The following CDH18 variants were observed in gnomAD, a reference collection of about 807,000 sequenced individuals.
The protein encoded by CDH18 is cadherin 18.
A neutral mutation model predicts 67.9 loss-of-function variants in CDH18; 31 were observed. The ratio of observed to expected loss-of-function variants is 0.46; its 90% CI spans 0.34 to 0.62. The LOEUF is 0.62. CDH18 is among the 20% of genes least tolerant of loss of function. The pLI, the probability that CDH18 is intolerant of heterozygous loss-of-function variation, is 0.01. For synonymous variants in CDH18, 362 were observed against 347.2 expected (o/e 1.04, Z -0.48); for missense variants, 890 against 975.5 (o/e 0.91, Z 1.17).
chr5:19,769,505 G>T (rs1773490620), intron 3 of CDH18, among the ~76,000 whole-genome samples: 1 of 152,056 alleles, frequency 6.6e-6, no homozygotes, highest in South Asian at 2.1e-4. Flanking sequence ...CAACTACTGA[G>T]AAATTTTTTG....
At chr5:19,846,684 G>A (rs370197852) in intron 2 of CDH18, among the ~76,000 whole-genome samples, 5 of 152,210 alleles carry the variant, frequency 3.3e-5, no homozygotes, top group East Asian at 3.9e-4. Context: ...GGTATAAACA[G>A]GGGTCCTGAA....
chr5:19,916,941 T>C (rs1159706790), intron 2 of CDH18, among the ~76,000 whole-genome samples: 2 of 152,208 alleles, frequency 1.3e-5, no homozygotes, highest in Non-Finnish European at 2.9e-5. Context: ...TCACTGATTT[T>C]ATAAGCATTT....
intron 5 of CDH18, among the ~76,000 whole-genome samples, chr5:19,674,709 T>C (rs1759227954): frequency 6.6e-6 from 1 of 152,170 alleles, no homozygotes; most frequent in African/African-American, 2.4e-5. Context: ...AACTTTATTG[T>C]TGATTTGAAA....
chr5:20,532,168 A>G (rs1201598370), intron 1 of CDH18, among the ~76,000 whole-genome samples: 2 of 152,132 alleles, frequency 1.3e-5, no homozygotes, highest in African/African-American at 2.4e-5. Context: ...TAAAGAAGAC[A>G]ACTAAACACT....
chr5:19,527,139 T>C (rs927303667), intron 9 of CDH18, among the ~76,000 whole-genome samples: 2 of 151,868 alleles, frequency 1.3e-5, no homozygotes, highest in African/African-American at 4.8e-5. Flanking sequence ...TATGTTTCCA[T>C]TATTTTCTTT....
intron 1 of CDH18, among the ~76,000 whole-genome samples, chr5:20,440,050 A>C (rs1749496109): frequency 6.6e-6 from 1 of 151,832 alleles, no homozygotes; most frequent in African/African-American, 2.4e-5. Context: ...GTAAATTAAT[A>C]AATTTGTGAA....
intron 6 of CDH18, among the ~76,000 whole-genome samples, chr5:19,599,834 C>T (rs1746783102): frequency 6.6e-6 from 1 of 152,082 alleles, no homozygotes. Flanking sequence ...TTGCAGTGAG[C>T]CGAGATCGCA....
chr5:20,440,435 A>G (rs1749522112), intron 1 of CDH18, among the ~76,000 whole-genome samples: 1 of 151,888 alleles, frequency 6.6e-6, no homozygotes, highest in African/African-American at 2.4e-5. Flanking sequence ...ACAGGATTGG[A>G]TATACTTCAA....
intron 5 of CDH18, among the ~76,000 whole-genome samples, chr5:19,626,790 G>T (rs1046189666): frequency 6.6e-6 from 1 of 152,046 alleles, no homozygotes; most frequent in African/African-American, 2.4e-5. Context: ...ATTTAGTTTG[G>T]GCTTATGGTT....
rs567325485 is a variant in CDH18, at chr5:19,878,824, AT to A, written c.-256-39583del. Among the ~76,000 whole-genome samples the A allele has an allele frequency of 9.2e-5, 14 of 152,196 alleles. No homozygotes were observed. The South Asian group carries it at 2.3e-3, about 25-fold the overall frequency. ...TACCGGAAAGTCATTTTATAAAAAA[AT>A]CTTTTTTTGTGTGTCACAAAGTAAA... On this transcript the variant is annotated intron_variant, in intron 2 of 12. Coordinates refer to ENST00000382275, the MANE Select transcript of CDH18 (RefSeq NM_004934.5).
At chr5:20,513,495 A>G (rs993943511) in intron 1 of CDH18, among the ~76,000 whole-genome samples, 3 of 152,192 alleles carry the variant, frequency 2.0e-5, no homozygotes, top group African/African-American at 7.2e-5. Flanking sequence ...TTTACATCAG[A>G]TCAATTGTAA....
At chr5:20,011,712 T>C (rs544081775) in intron 2 of CDH18, among the ~76,000 whole-genome samples, 1 of 152,234 alleles carries the variant, frequency 6.6e-6, no homozygotes, top group Admixed American at 6.5e-5. Flanking sequence ...ATTGAGATAA[T>C]CATGTGGTTT....
At chr5:20,561,341 T>C (rs1020575410) in intron 1 of CDH18, among the ~76,000 whole-genome samples, 4 of 152,220 alleles carry the variant, frequency 2.6e-5, no homozygotes, top group African/African-American at 9.6e-5. Context: ...TTGTCAAAAC[T>C]TGTAAGTAAG....
chr5:19,592,245 A>C (rs1288505761), intron 6 of CDH18, among the ~76,000 whole-genome samples: 1 of 151,990 alleles, frequency 6.6e-6, no homozygotes, highest in Non-Finnish European at 1.5e-5. Flanking sequence ...AAGCACTGTT[A>C]ATTTTATACT....
intron 6 of CDH18, among the ~76,000 whole-genome samples, chr5:19,606,061 G>A (rs1747986910): frequency 6.6e-6 from 1 of 151,962 alleles, no homozygotes; most frequent in African/African-American, 2.4e-5. Flanking sequence ...TCAGAAATTG[G>A]TAAACACTTG....
At chr5:19,634,688 G>A (rs1313503299) in intron 5 of CDH18, among the ~76,000 whole-genome samples, 1 of 152,032 alleles carries the variant, frequency 6.6e-6, no homozygotes, top group African/African-American at 2.4e-5. Flanking sequence ...TGTAATCCCA[G>A]CACTTTGGGA....
chr5:19,520,608 G>T, intron 10 of CDH18, 49 bp downstream of exon 10: 2 of 1,517,890 alleles, frequency 1.3e-6, no homozygotes, highest in Non-Finnish European at 8.9e-7. Context: ...AAATAAAGGC[G>T]CTTGCATTTA....
intron 1 of CDH18, among the ~76,000 whole-genome samples, chr5:20,573,962 ATAC>A (rs1381964091): frequency 1.4e-5 from 2 of 147,328 alleles, no homozygotes; most frequent in East Asian, 2.0e-4. Context: ...TTATATATAT[ATAC>A]TTTTTTTAAA....
At chr5:20,320,021 T>C (rs1416640173) in intron 1 of CDH18, among the ~76,000 whole-genome samples, 2 of 152,156 alleles carry the variant, frequency 1.3e-5, no homozygotes, top group Non-Finnish European at 2.9e-5. Context: ...GCATTAGATA[T>C]ATCAGGATGC....
Sources: allele counts gnomAD v4.1 joint callset (sites outside exome capture counted in the v4.1 genomes callset), GRCh38; gene constraint gnomAD v4.1.1; transcripts MANE v1.5; gene names NCBI Gene and HGNC (gene_info 2026-07-23, HGNC 2026-07-21).